Variants in KMT2C observed in about 807,000 individuals in gnomAD.
The protein encoded by KMT2C is lysine methyltransferase 2C, also known as histone-lysine N-methyltransferase 2C.
Under a neutral mutation model 507.9 loss-of-function variants are expected in KMT2C, and 88 were observed. The observed-to-expected ratio is 0.17, with a 90% CI of 0.15 to 0.21. The LOEUF (loss-of-function observed/expected upper bound fraction) is 0.21. KMT2C is among the 10% of genes least tolerant of loss of function. KMT2C has a pLI of 1.00. For missense variants in KMT2C, 4,954 were observed against 5,957.8 expected, an observed-to-expected ratio of 0.83 and a Z score of 5.55; for synonymous variants, 2,049 against 2,080.8, an observed-to-expected ratio of 0.98 and a Z score of 0.42.
chr7:152,182,684 G>T, intron 35 of KMT2C, 90 bp from the exon 36 acceptor site: 1 of 1,199,042 alleles, frequency 8.3e-7, no homozygotes, highest in Non-Finnish European at 1.2e-6. Flanking sequence ...AAGTTAATTT[G>T]TTTGATGTCA....
intron 3 of KMT2C, among the ~76,000 whole-genome samples, chr7:152,329,710 G>A (rs2096862746): frequency 6.6e-6 from 1 of 151,202 alleles, no homozygotes; most frequent in Non-Finnish European, 1.5e-5. Flanking sequence ...GAAGGAAGGA[G>A]GGAAAGAAGG....
At position 152,187,281 on chromosome 7, in the gene KMT2C, G is replaced by A. The variant is rs1391234464; in HGVS notation, c.4989C>T (p.Asn1663=). 6.2e-7 allele frequency: 1 copy of A among 1,613,464 alleles called. No homozygotes were observed. The highest frequency in any genetic ancestry group is 8.5e-7 in the Non-Finnish European group (1 of 1,179,596). ...GCTTACCAGGGAATTCTTCCTTTAA[G>A]TTGGGGAAATTAATATTGGTGTAGA... ...PVLYTNINFP[N]LKEEFPDWTT... Residue 1663 remains asparagine (N), a synonymous_variant, in exon 33 of 59, where the codon AAC becomes AAT. Transcript: ENST00000262189.
chr7:152,330,775 T>C lies in KMT2C; in HGVS notation c.251-36A>G, dbSNP rs771002772. 8 of 1,599,968 alleles carry C rather than the reference T, an allele frequency of 5.0e-6. No homozygotes were observed. In the African/African-American group the frequency reaches 9.4e-5, roughly 19 times the overall value. ...GTAAACAAGAGAAAACAAAGAGTCA[T>C]TTTTGTGTTTATTTTAATCACTGGT... On this transcript the variant is annotated intron_variant, in intron 2 of 58. Coordinates refer to ENST00000262189, the MANE Select transcript of KMT2C (RefSeq NM_170606.3).
chr7:152,164,571 G>A (rs2092644648), intron 42 of KMT2C, among the ~76,000 whole-genome samples: 1 of 152,122 alleles, frequency 6.6e-6, no homozygotes. Context: ...TTACAGGCGT[G>A]AGCCACTGCG....
intron 22 of KMT2C, among the ~76,000 whole-genome samples, chr7:152,221,529 C>A (rs1242372376): frequency 6.6e-6 from 1 of 152,130 alleles, no homozygotes; most frequent in Non-Finnish European, 1.5e-5. Flanking sequence ...TTCCTTAGAA[C>A]AATTCCTGTA....
At chr7:152,239,463 G>A (rs1485170403) in intron 14 of KMT2C, among the ~76,000 whole-genome samples, 1 of 152,190 alleles carries the variant, frequency 6.6e-6, no homozygotes, top group Non-Finnish European at 1.5e-5. Flanking sequence ...TTAGGGAAAT[G>A]AATACTTTAT....
At chr7:152,375,804 G>A (rs555805587) in intron 1 of KMT2C, among the ~76,000 whole-genome samples, 4 of 152,158 alleles carry the variant, frequency 2.6e-5, no homozygotes, top group Admixed American at 2.6e-4. Context: ...CTGTGATAGT[G>A]ATCTACGATC....
At chr7:152,159,475 C>T (rs1166604106) in intron 43 of KMT2C, among the ~76,000 whole-genome samples, 3 of 152,128 alleles carry the variant, frequency 2.0e-5, no homozygotes, top group Admixed American at 6.5e-5. Flanking sequence ...TTTTGGTTCC[C>T]CTTAGGAACT....
chr7:152,335,916 G>GT (rs71533560), intron 2 of KMT2C, among the ~76,000 whole-genome samples: 23,802 of 147,508 alleles, frequency 0.16, 2,114 homozygotes, highest in East Asian at 0.25. Flanking sequence ...GGGTTTTTTT[G>GT]TTTTTTTTTT....
rs924834378 is a variant in KMT2C, at chr7:152,262,271, G to A, written c.1299+745C>T. 5.9e-5 allele frequency among the ~76,000 whole-genome samples: 9 copies of A among 152,102 alleles called. No homozygotes were observed. In the South Asian group the frequency reaches 6.2e-4, roughly 11 times the overall value. Reference sequence around the variant, plus strand: ...TGCTGTGCCTTCCACTCCCGCACACGGGCCATCATGCCCTCTCCAGCTCCA... The same window carrying A: ...TGCTGTGCCTTCCACTCCCGCACACAGGCCATCATGCCCTCTCCAGCTCCA... On this transcript the variant is annotated intron_variant, in intron 9 of 58. Transcript: ENST00000262189.
rs2095591343 is a variant in KMT2C, at chr7:152,253,299, A to C, written c.1300-584T>G. 2.0e-5 allele frequency among the ~76,000 whole-genome samples: 3 copies of C among 152,100 alleles called. No homozygotes were observed. The South Asian group carries it at 6.2e-4, about 31-fold the overall frequency. On this transcript the variant is annotated intron_variant, in intron 9 of 58. Transcript: ENST00000262189. ...GTGGAAGAGATAAAACCAAAAAGAC[A>C]GCAACTCAAAATTCAAAAAAAGAAA...
intron 9 of KMT2C, among the ~76,000 whole-genome samples, chr7:152,253,147 G>A (rs529350794): frequency 7.2e-5 from 11 of 152,154 alleles, no homozygotes; most frequent in South Asian, 2.1e-4. Flanking sequence ...GAGCCACTGC[G>A]CCTGGCCTTA....
At chr7:152,193,630 G>C (rs1247809044) in intron 31 of KMT2C, among the ~76,000 whole-genome samples, 1 of 152,138 alleles carries the variant, frequency 6.6e-6, no homozygotes, top group Admixed American at 6.5e-5. Context: ...AGAGATGACA[G>C]TGAAACCGAG....
chr7:152,139,295 G>C (rs756389560), intron 56 of KMT2C, 36 bp from the exon 57 acceptor site: 3 of 1,582,594 alleles, frequency 1.9e-6, no homozygotes, highest in Non-Finnish European at 2.6e-6. Flanking sequence ...CATCAATGTC[G>C]ACCTGAAACT....
In KMT2C at chr7:152,154,242, T is replaced by C. The variant is rs758280594; in HGVS notation, c.12139+25A>G. 20 of 1,613,106 alleles carry C rather than the reference T, an allele frequency of 1.2e-5. No individual in the cohort carries two copies. In the South Asian group the frequency reaches 2.2e-4, roughly 18 times the overall value. On this transcript the variant is annotated intron_variant, in intron 47 of 58. Transcript: ENST00000262189. ...TAAATTGGCGTAGTGTAAAGGGAAA[T>C]AATAAGGTTAAGTGTTGTTCTTACT...
intron 1 of KMT2C, among the ~76,000 whole-genome samples, chr7:152,422,856 T>C (rs2097785868): frequency 6.6e-6 from 1 of 151,352 alleles, no homozygotes; most frequent in African/African-American, 2.4e-5. Context: ...ACCCCGTCTC[T>C]AATAAAAATA....
At chr7:152,321,280 T>G (rs1421007644) in intron 3 of KMT2C, among the ~76,000 whole-genome samples, 1 of 151,824 alleles carries the variant, frequency 6.6e-6, no homozygotes, top group Non-Finnish European at 1.5e-5. Context: ...CTAGAAAAGA[T>G]ATTGTTTAAG....
At chr7:152,253,646 G>A (rs369542896) in intron 9 of KMT2C, among the ~76,000 whole-genome samples, 4 of 151,558 alleles carry the variant, frequency 2.6e-5, no homozygotes, top group African/African-American at 4.9e-5. Flanking sequence ...GGGAGCTCAC[G>A]CCACTACACT....
At chr7:152,196,931 G>A (rs1450255739) in intron 27 of KMT2C, among the ~76,000 whole-genome samples, 2 of 152,182 alleles carry the variant, frequency 1.3e-5, no homozygotes, top group African/African-American at 4.8e-5. Flanking sequence ...AAAAGAGGCA[G>A]CTAGGGCAAG....
Sources: allele counts gnomAD v4.1 joint callset (sites outside exome capture counted in the v4.1 genomes callset), GRCh38; gene constraint gnomAD v4.1.1; transcripts MANE v1.5; gene names NCBI Gene and HGNC (gene_info 2026-07-23, HGNC 2026-07-21).